Variants in ZMIZ1 observed in about 807,000 individuals in gnomAD.
The protein encoded by ZMIZ1 is zinc finger MIZ domain-containing protein 1.
In ZMIZ1, 17 loss-of-function variants were observed where a neutral mutation model predicts 113.9. The ratio of observed to expected loss-of-function variants is 0.15; its 90% CI spans 0.10 to 0.22. The LOEUF is 0.22. Among genes scored for constraint, ZMIZ1 ranks in the 10% least tolerant of loss-of-function variants. ZMIZ1 has a pLI of 1.00. For synonymous variants in ZMIZ1, 607 were observed against 603.1 expected (o/e 1.01, Z -0.09); for missense variants, 1,059 against 1,477.8 (o/e 0.72, Z 4.65).
chr10:79,195,893 T>TCTGA (rs1847811903), intron 4 of ZMIZ1, among the ~76,000 whole-genome samples: 1 of 152,200 alleles, frequency 6.6e-6, no homozygotes, highest in African/African-American at 2.4e-5. Context: ...GCTTCACCTC[T>TCTGA]CTGAGCCTTT....
chr10:79,111,070 G>A (rs1843720540), intron 1 of ZMIZ1, among the ~76,000 whole-genome samples: 1 of 152,204 alleles, frequency 6.6e-6, no homozygotes, highest in African/African-American at 2.4e-5. Flanking sequence ...ACCACCACCG[G>A]GGCCCCTGTG....
chr10:79,211,233 A>C (rs1468624807), intron 6 of ZMIZ1, among the ~76,000 whole-genome samples: 1 of 152,066 alleles, frequency 6.6e-6, no homozygotes, highest in African/African-American at 2.4e-5. Flanking sequence ...CCATTTTACA[A>C]ACAAGGCCAC....
intron 1 of ZMIZ1, among the ~76,000 whole-genome samples, chr10:79,089,624 C>G (rs1002991179): frequency 5.3e-5 from 8 of 152,114 alleles, no homozygotes; most frequent in Admixed American, 5.2e-4. Context: ...GCTGCATGCT[C>G]CCTGAAGACA....
Position 79,216,284 on chromosome 10 carries a change from C to T in ZMIZ1, c.280+10C>T, listed in dbSNP as rs201304978. The T allele has an allele frequency of 2.8e-5, 45 of 1,579,356 alleles. No homozygotes were observed. The African/African-American group carries it at 3.7e-4, about 13-fold the overall frequency. ...ACCCCGAAGTCTGCCGGTAGGTGTC[C>T]GTGGGGGACTCTGCGATGTCACTGG... On this transcript the variant is annotated intron_variant, in intron 7 of 24. Transcript: ENST00000334512.
In ZMIZ1 at chr10:79,107,200, C is replaced by G. The variant is rs765250325; in HGVS notation, c.-336-11715C>G. On this transcript the variant is annotated intron_variant, in intron 1 of 24. Transcript: ENST00000334512. ...CCCATCTTCTGGCCACTTCACTGTC[C>G]ACTTACAAAGCCCAGAACTTTCTGC... 3.3e-4 allele frequency among the ~76,000 whole-genome samples: 51 copies of G among 152,306 alleles called. 1 individual carries two copies. The highest frequency in any genetic ancestry group is 1.2e-3 in the Admixed American group (19 of 15,308).
intron 2 of ZMIZ1, among the ~76,000 whole-genome samples, chr10:79,133,671 C>T (rs933191064): frequency 4.6e-4 from 70 of 152,170 alleles, no homozygotes; most frequent in African/African-American, 1.7e-3. Context: ...ACTAAGCACC[C>T]CCCTCCCCCT....
intron 7 of ZMIZ1, chr10:79,243,663 TCGCCGCGGC>T (rs1309424565): frequency 6.7e-6 from 2 of 299,206 alleles, no homozygotes; most frequent in South Asian, 2.3e-5. Flanking sequence ...CCGGAGTCGC[TCGCCGCGGC>T]CGCCGCCGGC....
intron 1 of ZMIZ1, among the ~76,000 whole-genome samples, chr10:79,071,001 T>C (rs1165554718): frequency 6.6e-6 from 1 of 152,194 alleles, no homozygotes; most frequent in East Asian, 1.9e-4. Context: ...GCGGCTGGGC[T>C]GGCGGGGTGA....
Position 79,296,726 on chromosome 10 carries a change from G to T in ZMIZ1, c.1413+73G>T, listed in dbSNP as rs1242657007. 1.4e-6 allele frequency: 2 copies of T among 1,424,198 alleles called. No homozygotes were observed. The highest frequency in any genetic ancestry group is 4.8e-5 in the Admixed American group (2 of 41,784). 88.2% of individuals were successfully genotyped at this position (1,424,198 alleles called of 1,614,324 possible). A position where few individuals can be genotyped will look rare whatever the true frequency, so the allele number is the denominator to read the frequency against. ...CACCTCACTCCCCTAACTCCACCGG[G>T]ATCACTCTGACCCTGCGTGTGTTTG... is the stretch of plus-strand genomic sequence containing the variant. On this transcript the variant is annotated intron_variant, in intron 13 of 24. Transcript: ENST00000334512. This position sits in a 1 kb window ranked among gnomAD's most constrained non-coding sequence, Gnocchi z 4.1.
At chr10:79,094,456 C>T (rs1027976073) in intron 1 of ZMIZ1, among the ~76,000 whole-genome samples, 4 of 152,228 alleles carry the variant, frequency 2.6e-5, no homozygotes, top group African/African-American at 7.2e-5. Context: ...CTGCCACTGT[C>T]GGTTACTTTG....
At chr10:79,203,603 G>A (rs1317996899) in intron 5 of ZMIZ1, among the ~76,000 whole-genome samples, 5 of 152,126 alleles carry the variant, frequency 3.3e-5, no homozygotes, top group Non-Finnish European at 7.4e-5. Flanking sequence ...CACTCCTGCC[G>A]AGACCTGCTC....
At chr10:79,230,245 C>A (rs1849343360) in intron 7 of ZMIZ1, among the ~76,000 whole-genome samples, 1 of 151,910 alleles carries the variant, frequency 6.6e-6, no homozygotes, top group South Asian at 2.1e-4. Context: ...TTTGTCTCTC[C>A]CCTTTCCCCT....
At chr10:79,148,583 G>C (rs928667666) in intron 3 of ZMIZ1, among the ~76,000 whole-genome samples, 68 of 152,226 alleles carry the variant, frequency 4.5e-4, no homozygotes, top group African/African-American at 1.6e-3. Flanking sequence ...TGGGTGGCCA[G>C]GGCTGAGGGT....
chr10:79,122,531 TCTCTCCTTGGCAGA>T (rs1051016546), intron 2 of ZMIZ1, among the ~76,000 whole-genome samples: 1 of 152,076 alleles, frequency 6.6e-6, no homozygotes, highest in African/African-American at 2.4e-5. Context: ...CACACTCCCA[TCTCTCCTTGGCAGA>T]CTCACTCCTG....
At chr10:79,170,557 T>C (rs1478765234) in intron 4 of ZMIZ1, among the ~76,000 whole-genome samples, 1 of 152,172 alleles carries the variant, frequency 6.6e-6, no homozygotes, top group African/African-American at 2.4e-5. Flanking sequence ...CACTCAGATC[T>C]GAGATCTTTT....
chr10:79,216,512 C>T (rs754679347), intron 7 of ZMIZ1: 3 of 364,446 alleles, frequency 8.2e-6, no homozygotes, highest in Non-Finnish European at 1.5e-5. Context: ...GAGAGGCTCC[C>T]GAGGCACACC....
chr10:79,088,681 T>C (rs983890216), intron 1 of ZMIZ1, among the ~76,000 whole-genome samples: 1 of 152,194 alleles, frequency 6.6e-6, no homozygotes, highest in African/African-American at 2.4e-5. Flanking sequence ...CTGAGATCTT[T>C]TATCTGCTGC....
chr10:79,257,863 G>T (rs910651333), intron 7 of ZMIZ1, among the ~76,000 whole-genome samples: 1 of 152,204 alleles, frequency 6.6e-6, no homozygotes, highest in African/African-American at 2.4e-5. Context: ...TTGAGTCCAG[G>T]GCTCTTCAGA....
intron 7 of ZMIZ1, among the ~76,000 whole-genome samples, chr10:79,239,394 A>G (rs1344686608): frequency 6.6e-6 from 1 of 152,206 alleles, no homozygotes; most frequent in Non-Finnish European, 1.5e-5. Flanking sequence ...GGCAGCTCCC[A>G]GGGCCTGAGC....
Sources: gnomAD v4.1 joint callset for allele counts (sites outside exome capture counted in the v4.1 genomes callset) on GRCh38, gnomAD v4.1.1 for gene constraint, Gnocchi (gnomAD v3.1) non-coding constraint, MANE v1.5 for transcripts, NCBI Gene and HGNC (gene_info 2026-07-23, HGNC 2026-07-21) for gene names.